The following AKR1C1 variants were observed in gnomAD, a reference collection of about 807,000 sequenced individuals.
AKR1C1 encodes the protein 20 alpha-hydroxysteroid dehydrogenase.
In AKR1C1, 32 loss-of-function variants were observed where a neutral mutation model predicts 40.6. The ratio of observed to expected loss-of-function variants is 0.79; its 90% CI spans 0.60 to 1.06. AKR1C1 has a LOEUF of 1.06. Ranked by LOEUF, AKR1C1 falls within the 50% of genes least tolerant of loss-of-function variation. The pLI, the probability that AKR1C1 is intolerant of heterozygous loss-of-function variation, is 0.00. For synonymous variants in AKR1C1, 105 were observed against 134.2 expected (o/e 0.78, Z 1.50); for missense variants, 320 against 363.5 (o/e 0.88, Z 0.97).
intron 7 of AKR1C1, among the ~76,000 whole-genome samples, chr10:4,973,492 C>A (rs1449033526): frequency 2.6e-5 from 4 of 152,210 alleles, no homozygotes; most frequent in Non-Finnish European, 5.9e-5. Context: ...GGGTTCACCT[C>A]AGCACAGGGC....
At chr10:4,964,899 T>G (rs1186495541) in intron 1 of AKR1C1, among the ~76,000 whole-genome samples, 1 of 152,244 alleles carries the variant, frequency 6.6e-6, no homozygotes, top group East Asian at 1.9e-4. Flanking sequence ...CATATAAACC[T>G]GCTGGTATCT....
intron 1 of AKR1C1, 83 bp downstream of exon 1, chr10:4,963,611 A>G (rs1034539898): frequency 1.8e-5 from 22 of 1,222,250 alleles, no homozygotes; most frequent in Non-Finnish European, 2.6e-5. Context: ...TTGTGTTCCT[A>G]TGTTACTCTG....
intron 4 of AKR1C1, 66 bp from the exon 5 acceptor site, chr10:4,968,756 G>T: frequency 6.2e-7 from 1 of 1,611,654 alleles, no homozygotes. Context: ...CTAGACAGTT[G>T]TTACTTTCAC....
rs760575583 is a variant in AKR1C1 at position 4,968,889 on chromosome 10, A to T, written c.515A>T (p.Gln172Leu). Residue 172 changes from glutamine (Q) to leucine (L), a missense_variant, in exon 5 of 9, where the codon CAG becomes CTG. Gln to Leu is a moderately radical substitution (Grantham distance 113). Coordinates refer to ENST00000380872, the MANE Select transcript of AKR1C1 (RefSeq NM_001353.6). ...SIGVSNFNRR[Q>L]LEMILNKPGL... ...GGGGTGTCCAACTTCAACCGCAGGC[A>T]GCTGGAGATGATCCTCAACAAGCCA... is the stretch of plus-strand genomic sequence containing the variant. 1.3e-4 allele frequency: 203 copies of T among 1,613,988 alleles called. No homozygotes were observed. Among genetic ancestry groups the T allele is most frequent in the Admixed American group, 1.8e-4 (11 of 59,990 alleles).
intron 5 of AKR1C1, chr10:4,969,859 A>G: frequency 1.1e-6 from 1 of 893,686 alleles, no homozygotes; most frequent in Non-Finnish European, 1.7e-6. Context: ...GAAGATCTAC[A>G]GTGGAAATAC....
At position 4,972,599 on chromosome 10, in the gene AKR1C1, C is replaced by T; in HGVS notation, c.696C>T (p.Ser232=). 1.2e-6 allele frequency: 2 copies of T among 1,613,848 alleles called. No individual in the cohort carries two copies. Residue 232 remains serine (S), a synonymous_variant, in exon 7 of 9, where the codon TCC becomes TCT. Transcript: ENST00000380872. ...TTCCTTCCAGGGTGGACCCGAACTC[C>T]CCGGTGCTCTTGGAGGACCCAGTCC... ...HREEPWVDPN[S]PVLLEDPVLC...
chr10:4,980,936 T>C lies in AKR1C1; in HGVS notation c.*3194T>C, dbSNP rs1318237123. 2.6e-5 allele frequency: 4 copies of C among 152,258 alleles called. No individual in the cohort carries two copies. The highest frequency in any genetic ancestry group is 5.9e-5 in the Non-Finnish European group (4 of 68,042). The allele number at this position is 152,258 out of a possible 1,614,324, so 9.4% of individuals were successfully genotyped here. ...AGTCACCATGGTAGCTGTAGACTTATGAAATGTATTTCCTGAACCATAAAA... is the reference window on the plus strand; with the variant it reads ...AGTCACCATGGTAGCTGTAGACTTACGAAATGTATTTCCTGAACCATAAAA... On this transcript the variant is annotated 3_prime_UTR_variant, in exon 9 of 9. Coordinates refer to ENST00000380872, the MANE Select transcript of AKR1C1 (RefSeq NM_001353.6).
At chr10:4,976,110 G>A (rs1423132613) in intron 8 of AKR1C1, among the ~76,000 whole-genome samples, 177 bp downstream of exon 8, 1 of 140,446 alleles carries the variant, frequency 7.1e-6, no homozygotes, top group African/African-American at 2.7e-5. Context: ...CTGGCAGGGA[G>A]AGTGGCCTGG....
At chr10:4,973,536 G>A (rs1387982090) in intron 7 of AKR1C1, among the ~76,000 whole-genome samples, 1 of 152,184 alleles carries the variant, frequency 6.6e-6, no homozygotes, top group Non-Finnish European at 1.5e-5. Context: ...CATGTGCAAA[G>A]CCTTTTCAGG....
chr10:4,965,799 A>G, intron 1 of AKR1C1, 115 bp from the exon 2 acceptor site: 4 of 1,248,302 alleles, frequency 3.2e-6, no homozygotes, highest in Non-Finnish European at 3.3e-6. Context: ...GATTCTACAT[A>G]CAGAACTCAT....
At chr10:4,966,503 C>T (rs1303672503) in intron 2 of AKR1C1, among the ~76,000 whole-genome samples, 7 of 152,156 alleles carry the variant, frequency 4.6e-5, no homozygotes, top group Admixed American at 4.6e-4. Context: ...CCTACATTAT[C>T]TCAAATTGTG....
At chr10:4,975,414 T>C (rs139605484) in intron 7 of AKR1C1, among the ~76,000 whole-genome samples, 14,290 of 152,250 alleles carry the variant, frequency 0.094, 845 homozygotes, top group Non-Finnish European at 0.12. Flanking sequence ...ATTATTGGCT[T>C]GAGTGATGTT....
Position 4,977,734 on chromosome 10 carries a change from G to T in AKR1C1, c.964G>T (p.Glu322Ter). Reference sequence around the variant, plus strand: ...CCCCCCTAATTATCCATTTTCTGATGAATATTAACATGGAGGGCATTGCAT... The same window carrying T: ...CCCCCCTAATTATCCATTTTCTGATTAATATTAACATGGAGGGCATTGCAT... ...AGPPNYPFSD[E>*]Y The change falls in exon 9 of 9, where the codon GAA becomes TAA. Residue 322 changes from glutamate to a stop codon, truncating the protein, a stop_gained. Coordinates refer to ENST00000380872, the MANE Select transcript of AKR1C1 (RefSeq NM_001353.6). LOFTEE classifies it high-confidence loss of function. 1.2e-6 allele frequency: 2 copies of T among 1,610,396 alleles called. No homozygotes were observed. The highest frequency in any genetic ancestry group is 1.7e-6 in the Non-Finnish European group (2 of 1,179,006).
At chr10:4,969,269 G>A (rs908347047) in intron 5 of AKR1C1, among the ~76,000 whole-genome samples, 2 of 152,218 alleles carry the variant, frequency 1.3e-5, no homozygotes, top group Non-Finnish European at 2.9e-5. Context: ...ATGGATGGGT[G>A]AAGGTGATTT....
intron 7 of AKR1C1, among the ~76,000 whole-genome samples, chr10:4,975,552 C>T (rs1836514207): frequency 6.6e-6 from 1 of 152,100 alleles, no homozygotes. Context: ...CTTCTAGGTA[C>T]ATGACCCTAT....
intron 7 of AKR1C1, among the ~76,000 whole-genome samples, chr10:4,975,087 T>C (rs1554770323): frequency 1.3e-5 from 2 of 151,986 alleles, no homozygotes; most frequent in East Asian, 3.9e-4. Flanking sequence ...ATTTCATAAC[T>C]TTCTCTGTTA....
In AKR1C1 at chr10:4,972,567, T is replaced by C. The variant is rs1226709417; in HGVS notation, c.681-17T>C. ...TCCCCAGCCTCAGGGCCTCAGCCTT[T>C]CTGCCTTTCCTTCCAGGGTGGACCC... On this transcript the variant is annotated splice_polypyrimidine_tract_variant and intron_variant, in intron 6 of 8. Transcript: ENST00000380872. The C allele has an allele frequency of 2.8e-5, 45 of 1,613,304 alleles. No homozygotes were observed. Among genetic ancestry groups the C allele is most frequent in the Non-Finnish European group, 3.8e-5 (45 of 1,179,542 alleles).
At chr10:4,964,019 C>T (rs1272274675) in intron 1 of AKR1C1, 1 of 617,108 alleles carries the variant, frequency 1.6e-6, no homozygotes, top group Non-Finnish European at 2.9e-6. Context: ...ATTCTCACCT[C>T]TGGGAAAATT....
At chr10:4,973,746 C>T (rs76640141) in intron 7 of AKR1C1, among the ~76,000 whole-genome samples, 71 of 151,886 alleles carry the variant, frequency 4.7e-4, no homozygotes, top group African/African-American at 1.5e-3. Context: ...ATCATTTATA[C>T]GATATGTGTG....
Sources: allele counts gnomAD v4.1 joint callset (sites outside exome capture counted in the v4.1 genomes callset), GRCh38; gene constraint gnomAD v4.1.1; transcripts MANE v1.5; gene names NCBI Gene and HGNC (gene_info 2026-07-23, HGNC 2026-07-21).